The following FRY variants were observed in gnomAD, a reference collection of about 807,000 sequenced individuals.
FRY encodes FRY microtubule binding protein.
Under a neutral mutation model 348.4 loss-of-function variants are expected in FRY, and 128 were observed. That is an observed-to-expected ratio of 0.37 (90% CI 0.32 to 0.43). The LOEUF is 0.43. Among genes scored for constraint, FRY ranks in the 20% least tolerant of loss-of-function variants. The probability of loss-of-function intolerance (pLI) is 1.00; values close to 1 mark genes in which losing one functional copy is unlikely to be tolerated. For synonymous variants in FRY, 1,370 were observed against 1,374.7 expected (o/e 1.00, Z 0.08); for missense variants, 2,736 against 3,695.2 (o/e 0.74, Z 6.73).
chr13:32,268,536 A>C (rs206086), intron 55 of FRY, among the ~76,000 whole-genome samples: 26,584 of 132,686 alleles, frequency 0.2, 3,409 homozygotes, highest in Non-Finnish European at 0.28. Flanking sequence ...ATATATATAT[A>C]TATCTAGATT....
At chr13:32,089,871 C>G (rs983812305) in intron 2 of FRY, among the ~76,000 whole-genome samples, 1 of 152,084 alleles carries the variant, frequency 6.6e-6, no homozygotes, top group Non-Finnish European at 1.5e-5. Flanking sequence ...GCTAAAAGAT[C>G]CAGCATGAAA....
At chr13:32,143,630 A>T (rs1442555828) in intron 11 of FRY, among the ~76,000 whole-genome samples, 2 of 152,198 alleles carry the variant, frequency 1.3e-5, no homozygotes, top group Non-Finnish European at 1.5e-5. Context: ...ACAATGAGAG[A>T]TTATGAATAT....
At chr13:32,081,714 G>A (rs542455066) in intron 2 of FRY, among the ~76,000 whole-genome samples, 1 of 152,282 alleles carries the variant, frequency 6.6e-6, no homozygotes, top group African/African-American at 2.4e-5. Flanking sequence ...GTAATTTTCT[G>A]TCCTTATTTT....
chr13:32,191,877 A>T (rs944633915), intron 28 of FRY, among the ~76,000 whole-genome samples: 9 of 152,176 alleles, frequency 5.9e-5, no homozygotes, highest in Non-Finnish European at 8.8e-5. Flanking sequence ...AGATTTAAAT[A>T]TGAATTGGAG....
At chr13:32,068,708 G>C (rs931926846) in intron 1 of FRY, among the ~76,000 whole-genome samples, 5 of 152,182 alleles carry the variant, frequency 3.3e-5, no homozygotes, top group African/African-American at 1.2e-4. Context: ...GGGGAGACCA[G>C]AGACAAAAAT....
At chr13:32,100,555 T>A (rs75375481) in intron 2 of FRY, among the ~76,000 whole-genome samples, 1 of 151,234 alleles carries the variant, frequency 6.6e-6, no homozygotes, top group Admixed American at 6.6e-5. Context: ...TTTTGATATA[T>A]GTATAATGAG....
intron 1 of FRY, among the ~76,000 whole-genome samples, chr13:32,046,197 T>C (rs543942152): frequency 6.6e-6 from 1 of 152,252 alleles, no homozygotes; most frequent in Non-Finnish European, 1.5e-5. Context: ...TAGAGATAAA[T>C]TGTGGATACT....
intron 29 of FRY, among the ~76,000 whole-genome samples, chr13:32,199,034 T>C (rs1883853128): frequency 6.6e-6 from 1 of 152,238 alleles, no homozygotes; most frequent in Non-Finnish European, 1.5e-5. Context: ...AAAGTTGGAT[T>C]TCCCAGGAAA....
chr13:32,203,411 T>A (rs1234087294), intron 31 of FRY, among the ~76,000 whole-genome samples: 1 of 152,168 alleles, frequency 6.6e-6, no homozygotes, highest in Non-Finnish European at 1.5e-5. Context: ...TGCAGTTAGG[T>A]AATGCAGAAT....
chr13:32,063,667 A>G (rs1271074317), intron 1 of FRY, among the ~76,000 whole-genome samples: 3 of 152,176 alleles, frequency 2.0e-5, no homozygotes, highest in Non-Finnish European at 4.4e-5. Context: ...AATTATTTTC[A>G]TGATCCAGTA....
rs748370892 is a variant in FRY at position 32,131,762 on chromosome 13, C to T, written c.807C>T (p.Ser269=). The T allele has an allele frequency of 6.2e-7, 1 of 1,610,646 alleles. No homozygotes were observed. The highest frequency in any genetic ancestry group is 8.5e-7 in the Non-Finnish European group (1 of 1,176,806). ...CATATGTGGTTCAAAGCATTATCAGCTTAATAATGGGCATGAAATTCTTTC... is the reference window on the plus strand; with the variant it reads ...CATATGTGGTTCAAAGCATTATCAGTTTAATAATGGGCATGAAATTCTTTC... The part of the protein sequence containing the change: ...QNPYVVQSII[S]LIMGMKFFRI... Residue 269 remains serine (S), a synonymous_variant, in exon 8 of 61, where the codon AGC becomes AGT. Transcript: ENST00000542859.
intron 3 of FRY, among the ~76,000 whole-genome samples, chr13:32,105,544 A>G (rs775309434): frequency 1.6e-4 from 25 of 152,330 alleles, no homozygotes; most frequent in Admixed American, 6.5e-4. Flanking sequence ...TTTGGCATTA[A>G]ACATTCAAAT....
chr13:32,272,482 A>T (rs955370523), intron 55 of FRY, among the ~76,000 whole-genome samples: 1 of 152,206 alleles, frequency 6.6e-6, no homozygotes, highest in Non-Finnish European at 1.5e-5. Context: ...TCACAAGAAA[A>T]CAAAACTGAA....
chr13:32,227,984 T>C (rs576193303), intron 39 of FRY, among the ~76,000 whole-genome samples: 19 of 152,254 alleles, frequency 1.2e-4, no homozygotes, highest in Non-Finnish European at 2.5e-4. Context: ...TCTCCTGACC[T>C]TGTGATCCAC....
intron 36 of FRY, among the ~76,000 whole-genome samples, chr13:32,223,612 T>C (rs949622540): frequency 6.6e-6 from 1 of 152,160 alleles, no homozygotes; most frequent in African/African-American, 2.4e-5. Flanking sequence ...CCCATCTATT[T>C]AAAATAATAA....
intron 43 of FRY, among the ~76,000 whole-genome samples, chr13:32,236,533 A>C (rs1008207220): frequency 2.6e-5 from 4 of 152,212 alleles, no homozygotes; most frequent in Non-Finnish European, 4.4e-5. Flanking sequence ...CAAAAGCTAA[A>C]TATTATTTTT....
At chr13:32,124,422 T>C (rs1286387052) in intron 5 of FRY, 46 bp downstream of exon 5, 1 of 1,090,048 alleles carries the variant, frequency 9.2e-7, no homozygotes, top group African/African-American at 1.6e-5. Context: ...TTTATTGATC[T>C]AAAAACTACT....
At position 32,261,797 on chromosome 13, in the gene FRY, T is replaced by A. The variant is rs755155904; in HGVS notation, c.7598T>A (p.Ile2533Asn). Reference protein sequence around the residue: ...SEEEDLTASQILEHSDLIMTL... With the variant: ...SEEEDLTASQNLEHSDLIMTL... ...GAGGAGGACCTCACAGCCAGCCAGA[T>A]CCTGGAGCACTCAGACCTAGTAAGT... Residue 2533 changes from isoleucine to asparagine, a missense_variant, in exon 52 of 61, where the codon ATC becomes AAC. Ile to Asn is a moderately radical substitution (Grantham distance 149, BLOSUM62 -3). This residue lies in a region of FRY where 789 missense variants were observed against 996.2 expected (regional missense o/e 0.79). Coordinates refer to ENST00000542859, the MANE Select transcript of FRY (RefSeq NM_023037.3). 2 of 1,614,174 alleles carry A rather than the reference T, an allele frequency of 1.2e-6. No individual in the cohort carries two copies. Among genetic ancestry groups the A allele is most frequent in the South Asian group, 2.2e-5 (2 of 91,076 alleles).
chr13:32,167,093 A>G (rs1342984411), intron 17 of FRY, among the ~76,000 whole-genome samples: 1 of 152,248 alleles, frequency 6.6e-6, no homozygotes, highest in Admixed American at 6.5e-5. Context: ...GATGACGAGT[A>G]GAATCAATCT....
Sources: allele counts gnomAD v4.1 joint callset (sites outside exome capture counted in the v4.1 genomes callset), GRCh38; gene constraint gnomAD v4.1.1; regional missense constraint gnomAD v4.1.1; transcripts MANE v1.5; gene names NCBI Gene and HGNC (gene_info 2026-07-23, HGNC 2026-07-21).